The following EIF4ENIF1 variants were observed in gnomAD, a reference collection of about 807,000 sequenced individuals.
EIF4ENIF1 encodes the protein eukaryotic translation initiation factor 4E transporter.
A neutral mutation model predicts 110.5 loss-of-function variants in EIF4ENIF1; 23 were observed. The ratio of observed to expected loss-of-function variants is 0.21; its 90% CI spans 0.15 to 0.29. The LOEUF is 0.29. EIF4ENIF1 is among the 10% of genes least tolerant of loss of function. The pLI is 1.00. For missense variants in EIF4ENIF1, 1,031 were observed against 1,221.1 expected, an observed-to-expected ratio of 0.84 and a Z score of 2.32; for synonymous variants, 440 against 437.0, an observed-to-expected ratio of 1.01 and a Z score of -0.09.
Position 31,441,898 on chromosome 22 carries a change from G to C in EIF4ENIF1, c.2427C>G (p.His809Gln). ...GGACATGGGGGACAAGGGGAACTTG[G>C]TGGACAGGGCGGAGAAAAGGTGTTG... The part of the protein sequence containing the change: ...VPTTPFLRPV[H>Q]QVPLVPHVPM... The change falls in exon 17 of 19, where the codon CAC (histidine) becomes CAG (glutamine). Residue 809 changes from histidine to glutamine, a missense_variant. Physicochemically the swap from His to Gln is conservative, Grantham distance 24. Around this residue, in one of 3 missense-constraint regions of EIF4ENIF1, gnomAD observed 309 missense variants for 299.1 expected, o/e 1.03. Coordinates refer to ENST00000330125, the MANE Select transcript of EIF4ENIF1 (RefSeq NM_019843.4). 1 of 1,614,198 alleles carries C rather than the reference G, an allele frequency of 6.2e-7. No individual in the cohort carries two copies. Among genetic ancestry groups the C allele is most frequent in the Non-Finnish European group, 8.5e-7 (1 of 1,180,042 alleles).
At chr22:31,468,524 A>G (rs1418788002) in intron 3 of EIF4ENIF1, among the ~76,000 whole-genome samples, 1 of 152,132 alleles carries the variant, frequency 6.6e-6, no homozygotes, top group Non-Finnish European at 1.5e-5. Flanking sequence ...CCTCACCAGT[A>G]GCTGGGATTA....
intron 15 of EIF4ENIF1, 58 bp downstream of exon 15, chr22:31,444,548 T>C (rs2050401611): frequency 2.0e-6 from 3 of 1,536,800 alleles, no homozygotes; most frequent in Admixed American, 1.7e-5. Context: ...GTACAATCCA[T>C]GCACAACCAA....
intron 4 of EIF4ENIF1, among the ~76,000 whole-genome samples, chr22:31,464,827 G>A (rs902811034): frequency 6.7e-6 from 1 of 149,032 alleles, no homozygotes; most frequent in Non-Finnish European, 1.5e-5. Flanking sequence ...AAATCCTTGT[G>A]GCACTGGGTT....
rs143507682 is a variant in EIF4ENIF1, at chr22:31,441,514, A to T, written c.2551+260T>A. Among the ~76,000 whole-genome samples the T allele has an allele frequency of 1.4e-3, 211 of 146,072 alleles. 5 individuals carry two copies. In the East Asian group the frequency reaches 0.041, roughly 28 times the overall value. The stretch of plus-strand genomic sequence containing the variant: ...GAGATTGCGCCACTGCACTCCAGCC[A>T]GGCAGACAGAGTGAGACTTCTGTCT... On this transcript the variant is annotated intron_variant, in intron 17 of 18. Coordinates refer to ENST00000330125, the MANE Select transcript of EIF4ENIF1 (RefSeq NM_019843.4).
At chr22:31,484,303 G>A (rs1021608211) in intron 2 of EIF4ENIF1, among the ~76,000 whole-genome samples, 48 of 152,100 alleles carry the variant, frequency 3.2e-4, no homozygotes, top group East Asian at 3.9e-4. Context: ...GGAAACTCTG[G>A]TACATTACTC....
At chr22:31,486,471 A>C (rs992458472) in intron 2 of EIF4ENIF1, among the ~76,000 whole-genome samples, 1 of 151,466 alleles carries the variant, frequency 6.6e-6, no homozygotes, top group Non-Finnish European at 1.5e-5. Context: ...CTCAAAAAAA[A>C]TAATAAACAA....
intron 9 of EIF4ENIF1, among the ~76,000 whole-genome samples, chr22:31,454,752 T>A (rs1174531785): frequency 6.6e-6 from 1 of 152,148 alleles, no homozygotes; most frequent in East Asian, 1.9e-4. Context: ...ACCGTGGTCA[T>A]TATATCACTA....
intron 16 of EIF4ENIF1, 70 bp from the exon 17 acceptor site, chr22:31,442,188 A>G (rs939510744): frequency 1.6e-5 from 19 of 1,186,880 alleles, no homozygotes; most frequent in Non-Finnish European, 2.3e-5. Context: ...CACTGGTCTA[A>G]TAAATCTCAT....
intron 10 of EIF4ENIF1, chr22:31,450,632 G>A (rs1160838531): frequency 3.1e-6 from 1 of 320,956 alleles, no homozygotes; most frequent in East Asian, 7.0e-5. Flanking sequence ...CTAACACTGT[G>A]ACCAAAAGGG....
chr22:31,490,893 G>C (rs910025657), upstream of EIF4ENIF1, among the ~76,000 whole-genome samples: 2 of 152,186 alleles, frequency 1.3e-5, no homozygotes, highest in Non-Finnish European at 2.9e-5. Flanking sequence ...CTACTTTGTT[G>C]GAACTTCACT....
Position 31,488,668 on chromosome 22 carries a change from G to A in EIF4ENIF1, c.51C>T (p.Asp17=), listed in dbSNP as rs1372284257. Residue 17 remains aspartate, a synonymous_variant, in exon 2 of 19, where the codon GAC becomes GAT. Coordinates refer to ENST00000330125, the MANE Select transcript of EIF4ENIF1 (RefSeq NM_019843.4). The part of the protein sequence containing the change: ...GETESGDAFL[D]LKKPPASKCP... ...ATTTGGAGGCAGGAGGCTTCTTCAGGTCAAGGAAAGCATCTCCACTTTCTG... is the reference window on the plus strand; with the variant it reads ...ATTTGGAGGCAGGAGGCTTCTTCAGATCAAGGAAAGCATCTCCACTTTCTG... The A allele has an allele frequency of 2.3e-5, 37 of 1,613,806 alleles. No individual in the cohort carries two copies. The highest frequency in any genetic ancestry group is 3.1e-5 in the Non-Finnish European group (37 of 1,180,012).
At chr22:31,463,590 G>A in intron 5 of EIF4ENIF1, 91 bp downstream of exon 5, 1 of 1,269,398 alleles carries the variant, frequency 7.9e-7, no homozygotes, top group Non-Finnish European at 1.1e-6. Context: ...AGGCAGCAGT[G>A]AGTCAAGATC....
At chr22:31,453,376 CT>C (rs749007679) in intron 10 of EIF4ENIF1, 32,534 of 318,018 alleles carry the variant, frequency 0.1, 3 homozygotes, top group South Asian at 0.14. Context: ...ACCCATCTTA[CT>C]TTTTTTTTTT....
In EIF4ENIF1 at chr22:31,439,823, G is replaced by A. The variant is rs2050235357; in HGVS notation, c.*57C>T. The A allele has an allele frequency of 1.9e-6, 3 of 1,588,480 alleles. No homozygotes were observed. The highest frequency in any genetic ancestry group is 1.7e-6 in the Non-Finnish European group (2 of 1,173,950). On this transcript the variant is annotated 3_prime_UTR_variant, in exon 19 of 19. Coordinates refer to ENST00000330125, the MANE Select transcript of EIF4ENIF1 (RefSeq NM_019843.4). Reference sequence around the variant, plus strand: ...CCATAAACCAACCCGAGATGAAGCAGGGTCCTGCCCAGTGTGCCACCACAG... The same window carrying A: ...CCATAAACCAACCCGAGATGAAGCAAGGTCCTGCCCAGTGTGCCACCACAG...
chr22:31,465,884 A>T (rs1009165569), intron 4 of EIF4ENIF1, among the ~76,000 whole-genome samples: 1 of 152,264 alleles, frequency 6.6e-6, no homozygotes, highest in African/African-American at 2.4e-5. Context: ...ACTATTCTTA[A>T]TGAAAAAAGC....
rs1433814509 is a variant in EIF4ENIF1 at position 31,449,469 on chromosome 22, C to A, written c.1647G>T (p.Gly549=). ...GTAAAGATGTTGTAGGCTCCAAGCT[C>A]CCCATAAGGCCACTCAGAAGATTGG... ...ASSNLLSGLM[G]SLEPTTSLLG... is the part of the protein sequence containing the mutation. The change falls in exon 12 of 19, where the codon GGG becomes GGT. Residue 549 remains glycine, a synonymous_variant. Coordinates refer to ENST00000330125, the MANE Select transcript of EIF4ENIF1 (RefSeq NM_019843.4). The A allele has an allele frequency of 1.7e-5, 27 of 1,614,094 alleles. No homozygotes were observed. Among genetic ancestry groups the A allele is most frequent in the Non-Finnish European group, 2.2e-5 (26 of 1,180,002 alleles).
Position 31,440,700 on chromosome 22 carries a change from C to G in EIF4ENIF1, c.2716+4G>C. 1 of 1,613,264 alleles carries G rather than the reference C, an allele frequency of 6.2e-7. No homozygotes were observed. Among genetic ancestry groups the G allele is most frequent in the Non-Finnish European group, 8.5e-7 (1 of 1,179,650 alleles). ...AAACTCACCTGTCACATTCCTGAAC[C>G]TACCTGAGCGCTGTAGCTGCTGTTG... On this transcript the variant is annotated splice_donor_region_variant and intron_variant, in intron 18 of 18. Transcript: ENST00000330125.
At chr22:31,451,598 G>A (rs1376359006) in intron 10 of EIF4ENIF1, among the ~76,000 whole-genome samples, 1 of 151,532 alleles carries the variant, frequency 6.6e-6, no homozygotes, top group African/African-American at 2.4e-5. Context: ...TAAACGAGCT[G>A]TTCCAAAATG....
chr22:31,457,293 A>G (rs1049634042), intron 7 of EIF4ENIF1, among the ~76,000 whole-genome samples: 8 of 152,374 alleles, frequency 5.3e-5, no homozygotes, highest in Admixed American at 3.9e-4. Flanking sequence ...TTGCTTTGGT[A>G]GAAATTATGA....
Sources: allele counts gnomAD v4.1 joint callset (sites outside exome capture counted in the v4.1 genomes callset), GRCh38; gene constraint gnomAD v4.1.1; regional missense constraint gnomAD v4.1.1; transcripts MANE v1.5; gene names NCBI Gene and HGNC (gene_info 2026-07-23, HGNC 2026-07-21).